DYM: variants seen among roughly 807,000 people sequenced by gnomAD.
DYM encodes dymeclin, also known as dyggve-Melchior-Clausen syndrome protein.
DYM carries 78 observed loss-of-function variants against 93.1 expected under a neutral mutation model. The observed-to-expected ratio is 0.84, with a 90% confidence interval of 0.70 to 1.01. The LOEUF (loss-of-function observed/expected upper bound fraction) is 1.01, where lower values mean the gene tolerates loss of function less well. Among genes scored for constraint, DYM ranks in the 50% least tolerant of loss-of-function variants. The pLI, the probability that DYM is intolerant of heterozygous loss-of-function variation, is 0.00. For missense variants in DYM, 789 were observed against 845.0 expected, an observed-to-expected ratio of 0.93 and a Z score of 0.82; for synonymous variants, 321 against 319.7, an observed-to-expected ratio of 1.00 and a Z score of -0.04.
chr18:49,290,502 C>A (rs1224700194), intron 8 of DYM, among the ~76,000 whole-genome samples: 3 of 151,602 alleles, frequency 2.0e-5, no homozygotes, highest in Admixed American at 1.3e-4. Flanking sequence ...TAATTTTTCC[C>A]CAGTAATAAT....
intron 11 of DYM, among the ~76,000 whole-genome samples, chr18:49,258,859 G>GCACAGAA (rs1568120399): frequency 1.0e-5 from 1 of 100,098 alleles, no homozygotes; most frequent in African/African-American, 4.3e-5. Context: ...GAGAGAGAGA[G>GCACAGAA]AGAGAGAGAG....
At chr18:49,154,706 A>C (rs2086193295) in intron 15 of DYM, among the ~76,000 whole-genome samples, 1 of 152,214 alleles carries the variant, frequency 6.6e-6, no homozygotes, top group East Asian at 1.9e-4. Flanking sequence ...GAAATTCTTT[A>C]AAACATCTCT....
chr18:49,102,402 A>AT (rs766963477), intron 16 of DYM, among the ~76,000 whole-genome samples: 3 of 151,368 alleles, frequency 2.0e-5, no homozygotes, highest in Non-Finnish European at 2.9e-5. Flanking sequence ...GTATTTGGAG[A>AT]TTTTCCAGAT....
chr18:49,041,045 C>T lies in DYM; in HGVS notation c.*3010G>A, dbSNP rs1232134635. On this transcript the variant is annotated 3_prime_UTR_variant, in exon 18 of 18. Coordinates refer to ENST00000675505, the MANE Select transcript of DYM (RefSeq NM_001353214.3). ...CAGAGAGAACTGTGTGTGCAGTGTA[C>T]TTTCTATGCTTCACCTTCAGGGACC... Among the ~76,000 whole-genome samples, 1 of 152,154 alleles carries T rather than the reference C, an allele frequency of 6.6e-6. No individual in the cohort carries two copies. Among genetic ancestry groups the T allele is most frequent in the East Asian group, 1.9e-4 (1 of 5,200 alleles).
intron 8 of DYM, among the ~76,000 whole-genome samples, chr18:49,329,216 T>C (rs1017014844): frequency 7.0e-6 from 1 of 143,642 alleles, no homozygotes; most frequent in African/African-American, 2.6e-5. Context: ...TTCTCACTCA[T>C]AGCTGGGAAC....
At chr18:49,454,340 G>A (rs2082783894) in intron 1 of DYM, among the ~76,000 whole-genome samples, 1 of 152,150 alleles carries the variant, frequency 6.6e-6, no homozygotes. Flanking sequence ...CTAACAAAGA[G>A]CAGCCTGCAA....
At chr18:49,115,063 GTTAA>G (rs1849856499) in intron 16 of DYM, among the ~76,000 whole-genome samples, 1 of 152,198 alleles carries the variant, frequency 6.6e-6, no homozygotes, top group South Asian at 2.1e-4. Context: ...CAGTAAACAA[GTTAA>G]TTAATCTTTC....
At chr18:49,417,553 G>T (rs2073134841) in intron 2 of DYM, among the ~76,000 whole-genome samples, 1 of 151,712 alleles carries the variant, frequency 6.6e-6, no homozygotes, top group South Asian at 2.1e-4. Context: ...TGGTATATAT[G>T]CCCCCCCATT....
Position 49,414,012 on chromosome 18 carries a change from A to AAAAG in DYM, c.140+16239_140+16242dup, listed in dbSNP as rs140966484. 7.7e-4 allele frequency among the ~76,000 whole-genome samples: 117 copies of AAAAG among 152,010 alleles called. 2 individuals carry two copies. The South Asian group carries it at 0.014, about 18-fold the overall frequency. On this transcript the variant is annotated intron_variant, in intron 2 of 17. Transcript: ENST00000675505. ...ACAACAGAGAGAGACTCTGTCTCAA[A>AAAAG]AAAGAAAGAAAGAAAGAAAGAAAGC...
chr18:49,046,121 TACAC>T (rs1038289685), intron 17 of DYM, among the ~76,000 whole-genome samples: 2 of 121,506 alleles, frequency 1.6e-5, no homozygotes, highest in African/African-American at 6.5e-5. Flanking sequence ...CATCCCCAAA[TACAC>T]ACCACTCACA....
At chr18:49,296,627 C>T (rs891061607) in intron 8 of DYM, among the ~76,000 whole-genome samples, 2 of 152,088 alleles carry the variant, frequency 1.3e-5, no homozygotes, top group Non-Finnish European at 2.9e-5. Flanking sequence ...AGAGATCTAT[C>T]AATGACTAGA....
chr18:49,454,074 T>C (rs986182936), intron 1 of DYM, among the ~76,000 whole-genome samples: 1 of 152,148 alleles, frequency 6.6e-6, no homozygotes, highest in African/African-American at 2.4e-5. Flanking sequence ...CACACGGACA[T>C]GCCTTTCTTC....
At chr18:49,075,709 AT>A (rs2077245890) in intron 17 of DYM, among the ~76,000 whole-genome samples, 1 of 152,196 alleles carries the variant, frequency 6.6e-6, no homozygotes. Flanking sequence ...AATTCAAAAC[AT>A]TTACTACTGT....
Position 49,446,305 on chromosome 18 carries a change from C to T in DYM, c.-54+14093G>A, listed in dbSNP as rs574148104. On this transcript the variant is annotated intron_variant, in intron 1 of 17. Transcript: ENST00000675505. Reference sequence around the variant, plus strand: ...GAGACAGAGTTCTTAAAAGTAACTGCCTCTGAAAATGAGATTAAAAAGTGG... The same window carrying T: ...GAGACAGAGTTCTTAAAAGTAACTGTCTCTGAAAATGAGATTAAAAAGTGG... 2.0e-5 allele frequency among the ~76,000 whole-genome samples: 3 copies of T among 152,148 alleles called. No individual in the cohort carries two copies. The South Asian group carries it at 6.3e-4, about 32-fold the overall frequency.
intron 1 of DYM, among the ~76,000 whole-genome samples, chr18:49,431,145 T>C (rs1304625730): frequency 6.6e-6 from 1 of 152,220 alleles, no homozygotes; most frequent in African/African-American, 2.4e-5. Context: ...ATAGCTCAAG[T>C]AATTACCATG....
intron 13 of DYM, among the ~76,000 whole-genome samples, chr18:49,234,542 G>C (rs2093804646): frequency 6.6e-6 from 1 of 152,062 alleles, no homozygotes; most frequent in Non-Finnish European, 1.5e-5. Flanking sequence ...ATGCTTCCTG[G>C]ACCTAAGAAG....
intron 17 of DYM, among the ~76,000 whole-genome samples, chr18:49,065,357 A>T (rs1279323074): frequency 1.3e-5 from 2 of 152,062 alleles, no homozygotes; most frequent in African/African-American, 2.4e-5. Context: ...TTTTCTAGTG[A>T]AACAGTTAAT....
At chr18:49,061,395 C>T (rs143890011) in intron 17 of DYM, among the ~76,000 whole-genome samples, 42 of 152,174 alleles carry the variant, frequency 2.8e-4, no homozygotes, top group African/African-American at 9.6e-4. Flanking sequence ...AGGGTGCCCA[C>T]GGACCAGCCG....
At chr18:49,077,545 T>C (rs1366284315) in intron 17 of DYM, among the ~76,000 whole-genome samples, 2 of 152,234 alleles carry the variant, frequency 1.3e-5, no homozygotes, top group Admixed American at 6.5e-5. Flanking sequence ...ATGTCTTCAG[T>C]GAATTTTTCT....
Sources: gnomAD v4.1 joint callset for allele counts (sites outside exome capture counted in the v4.1 genomes callset) on GRCh38, gnomAD v4.1.1 for gene constraint, MANE v1.5 for transcripts, NCBI Gene and HGNC (gene_info 2026-07-23, HGNC 2026-07-21) for gene names.